The following RBSN variants were observed in gnomAD, a reference collection of about 807,000 sequenced individuals.
RBSN encodes the protein rabenosyn, RAB effector, also known as rabenosyn-5.
A neutral mutation model predicts 60.5 loss-of-function variants in RBSN; 34 were observed. The ratio of observed to expected loss-of-function variants is 0.56; its 90% confidence interval spans 0.43 to 0.75. The LOEUF is 0.75. Ranked by LOEUF, RBSN falls within the 30% of genes least tolerant of loss-of-function variation. The pLI, the probability that RBSN is intolerant of heterozygous loss-of-function variation, is 0.00. For synonymous variants in RBSN, 322 were observed against 366.9 expected (o/e 0.88, Z 1.40); for missense variants, 845 against 986.8 (o/e 0.86, Z 1.92).
At chr3:15,094,892 A>G (rs1559354378) in intron 4 of RBSN, among the ~76,000 whole-genome samples, 1 of 152,172 alleles carries the variant, frequency 6.6e-6, no homozygotes. Context: ...TCTCCCAATA[A>G]AGACTTTGAA....
At chr3:15,086,426 A>G (rs996579068) in intron 5 of RBSN, among the ~76,000 whole-genome samples, 3 of 152,232 alleles carry the variant, frequency 2.0e-5, no homozygotes, top group Non-Finnish European at 4.4e-5. Context: ...AGTAGAGCAG[A>G]TAAGAGCATG....
intron 6 of RBSN, among the ~76,000 whole-genome samples, 189 bp from the exon 7 acceptor site, chr3:15,085,234 C>T (rs1447844530): frequency 6.6e-6 from 1 of 152,142 alleles, no homozygotes; most frequent in East Asian, 1.9e-4. Flanking sequence ...CTAGAACCCA[C>T]CTCGCTTCCT....
rs555442821 is a variant in RBSN at position 15,084,702 on chromosome 3, G to A, written c.598+33C>T. 5.2e-6 allele frequency: 8 copies of A among 1,539,896 alleles called. No homozygotes were observed. In the African/African-American group the frequency reaches 6.9e-5, roughly 13 times the overall value. On this transcript the variant is annotated intron_variant, in intron 8 of 13. Coordinates refer to ENST00000253699, the MANE Select transcript of RBSN (RefSeq NM_022340.4). The surrounding 1 kb of genome is among the most constrained non-coding windows in gnomAD (Gnocchi z 4.2). ...AAATAAGCTAGGCCCAAAAGAAGAT[G>A]AGGGTCCAGGGCCCCACCTCCAAGT...
chr3:15,098,618 T>C (rs547155774), intron 1 of RBSN, among the ~76,000 whole-genome samples: 10 of 152,044 alleles, frequency 6.6e-5, no homozygotes, highest in Admixed American at 5.2e-4. Flanking sequence ...AACATGATTA[T>C]ACACACATCG....
At chr3:15,091,229 A>T in intron 4 of RBSN, 2 of 439,556 alleles carry the variant, frequency 4.6e-6, no homozygotes, top group Non-Finnish European at 6.1e-6. Flanking sequence ...AAAAAAAAAA[A>T]AAAAAAAATT....
intron 4 of RBSN, among the ~76,000 whole-genome samples, chr3:15,091,183 C>T (rs2043503933): frequency 9.8e-6 from 1 of 102,506 alleles, no homozygotes; most frequent in Non-Finnish European, 1.8e-5. Flanking sequence ...GTACTCCAGC[C>T]TGGACAACCA....
chr3:15,075,290 C>T (rs1027116652), intron 13 of RBSN: 45 of 609,556 alleles, frequency 7.4e-5, no homozygotes, highest in Non-Finnish European at 1.2e-4. Context: ...TTGCATATAC[C>T]GATATGTTCT....
chr3:15,087,032 ATTTT>A (rs1443977761), intron 5 of RBSN, among the ~76,000 whole-genome samples: 1 of 152,198 alleles, frequency 6.6e-6, no homozygotes, highest in African/African-American at 2.4e-5. Flanking sequence ...CTTTTAAAAA[ATTTT>A]TTAATTGCCA....
rs2043013600 is a variant in RBSN, at chr3:15,074,839, C to A, written c.1298G>T (p.Gly433Val). 1.2e-6 allele frequency: 2 copies of A among 1,614,218 alleles called. No individual in the cohort carries two copies. Among genetic ancestry groups the A allele is most frequent in the South Asian group, 2.2e-5 (2 of 91,088 alleles). ...ANGEVASLRR[G>V]PAPLRKAEGW... ...CTCAGCCTTTCTCAAGGGGGCAGGGCCCCTGCGGAGAGATGCCACCTCCCC... is the reference window on the plus strand; with the variant it reads ...CTCAGCCTTTCTCAAGGGGGCAGGGACCCTGCGGAGAGATGCCACCTCCCC... The change falls in exon 14 of 14, where the codon GGC becomes GTC. Residue 433 changes from glycine (G) to valine (V), a missense_variant. Transcript: ENST00000253699. This position sits in a 1 kb window ranked among gnomAD's most constrained non-coding sequence, Gnocchi z 6.4.
At chr3:15,087,721 A>C (rs1575101554) in intron 5 of RBSN, among the ~76,000 whole-genome samples, 1 of 152,166 alleles carries the variant, frequency 6.6e-6, no homozygotes, top group East Asian at 1.9e-4. Context: ...CCCAGGTTCA[A>C]GCAATTCCCA....
chr3:15,089,456 CAAAAAAAAAAAAA>C (rs757156425), intron 5 of RBSN, among the ~76,000 whole-genome samples: 1 of 31,448 alleles, frequency 3.2e-5, no homozygotes, highest in East Asian at 1.3e-3. Flanking sequence ...ACTCCATCTC[CAAAAAAAAAAAAA>C]AAAAAAAACA....
In RBSN at chr3:15,073,533, G is replaced by A. The variant is rs1056556887; in HGVS notation, c.*249C>T. On this transcript the variant is annotated 3_prime_UTR_variant, in exon 14 of 14. Transcript: ENST00000253699. ...AAGGGGTAAACCTCCGATTACAAAA[G>A]ATAGTAATAATAAACAGGAAAAGCA... 27 of 466,284 alleles carry A rather than the reference G, an allele frequency of 5.8e-5. No individual in the cohort carries two copies. Among genetic ancestry groups the A allele is most frequent in the African/African-American group, 4.7e-4 (24 of 50,708 alleles). 28.9% of individuals were successfully genotyped at this position (466,284 alleles called of 1,614,324 possible). A position where few individuals can be genotyped will look rare whatever the true frequency, so the allele number is the denominator to read the frequency against.
At chr3:15,086,063 G>T in intron 5 of RBSN, 102 bp from the exon 6 acceptor site, 1 of 579,482 alleles carries the variant, frequency 1.7e-6, no homozygotes, top group Non-Finnish European at 2.9e-6. Flanking sequence ...AAGCAGGTTG[G>T]TCAACATAGC....
intron 6 of RBSN, 58 bp from the exon 7 acceptor site, chr3:15,085,103 C>T: frequency 6.3e-7 from 1 of 1,586,112 alleles, no homozygotes; most frequent in South Asian, 1.1e-5. Flanking sequence ...ACATGCTCCA[C>T]ACTTTCCAAT....
rs1435072399 is a variant in RBSN at position 15,082,583 on chromosome 3, C to G, written c.624G>C (p.Glu208Asp). 1.9e-6 allele frequency: 3 copies of G among 1,614,132 alleles called. No homozygotes were observed. The highest frequency in any genetic ancestry group is 2.5e-6 in the Non-Finnish European group (3 of 1,180,014). ...TGGGGCTGGTGTGGGTGCTCAGGGA[C>G]TCCTTGCTGGCACTGGTGAGCTTGT... ...LANKLTSASK[E>D]SLSTHTSPSQ... is the part of the protein sequence containing the mutation. The change falls in exon 9 of 14, where the codon GAG (glutamate) becomes GAC (aspartate). Residue 208 changes from glutamate to aspartate, a missense_variant. Transcript: ENST00000253699. The surrounding 1 kb of genome is among the most constrained non-coding windows in gnomAD (Gnocchi z 4.2).
Position 15,077,310 on chromosome 3 carries a change from G to A in RBSN, c.999-146C>T. The stretch of plus-strand genomic sequence containing the variant: ...TGACTCCATTGAAGTTTCTTTGAAG[G>A]CAAAGCCCATTTCTTACCCTTTGGC... On this transcript the variant is annotated intron_variant, in intron 11 of 13. Coordinates refer to ENST00000253699, the MANE Select transcript of RBSN (RefSeq NM_022340.4). The surrounding 1 kb of genome is among the most constrained non-coding windows in gnomAD (Gnocchi z 4.4). 1.4e-6 allele frequency: 1 copy of A among 690,336 alleles called. No homozygotes were observed. The highest frequency in any genetic ancestry group is 2.5e-6 in the Non-Finnish European group (1 of 396,204). The allele number at this position is 690,336 out of a possible 1,614,324, so 42.8% of individuals were successfully genotyped here. A position where few individuals can be genotyped will look rare whatever the true frequency, so the allele number is the denominator to read the frequency against.
chr3:15,085,409 A>G (rs1288480669), intron 6 of RBSN, among the ~76,000 whole-genome samples: 3 of 152,178 alleles, frequency 2.0e-5, no homozygotes, highest in Non-Finnish European at 4.4e-5. Flanking sequence ...TACAAAGTAC[A>G]CATAAAGAAC....
At position 15,094,506 on chromosome 3, in the gene RBSN, T is replaced by C. The variant is rs528152749; in HGVS notation, c.148+1467A>G. Among the ~76,000 whole-genome samples the C allele has an allele frequency of 3.9e-5, 6 of 152,304 alleles. 1 individual carries two copies. Among genetic ancestry groups the C allele is most frequent in the African/African-American group, 1.4e-4 (6 of 41,572 alleles). ...CTCTTGAGCCTCACTTCACTTACTA[T>C]CTGTAAAATGAGACCAATCACCTTC... On this transcript the variant is annotated intron_variant, in intron 4 of 13. Transcript: ENST00000253699.
intron 6 of RBSN, 70 bp from the exon 7 acceptor site, chr3:15,085,115 C>T (rs1477854937): frequency 6.4e-7 from 1 of 1,555,240 alleles, no homozygotes; most frequent in Non-Finnish European, 8.8e-7. Flanking sequence ...CTTTCCAATA[C>T]ATCAAGTGGG....
Sources: allele counts gnomAD v4.1 joint callset (sites outside exome capture counted in the v4.1 genomes callset), GRCh38; gene constraint gnomAD v4.1.1; non-coding constraint Gnocchi (gnomAD v3.1); transcripts MANE v1.5; gene names NCBI Gene and HGNC (gene_info 2026-07-23, HGNC 2026-07-21).